The following ACSS3 variants were observed in gnomAD, a reference collection of about 807,000 sequenced individuals.
ACSS3 encodes the protein acyl-CoA synthetase short chain family member 3.
A neutral mutation model predicts 84.2 loss-of-function variants in ACSS3; 64 were observed. That is an observed-to-expected ratio of 0.76 (90% CI 0.62 to 0.94). ACSS3 has a LOEUF of 0.94. Ranked by LOEUF, ACSS3 falls within the 40% of genes least tolerant of loss-of-function variation. ACSS3 has a pLI of 0.00. For missense variants in ACSS3, 815 were observed against 867.6 expected, an observed-to-expected ratio of 0.94 and a Z score of 0.76; for synonymous variants, 317 against 310.1, an observed-to-expected ratio of 1.02 and a Z score of -0.23.
intron 8 of ACSS3, among the ~76,000 whole-genome samples, chr12:81,192,406 A>C (rs2031620480): frequency 6.6e-6 from 1 of 152,130 alleles, no homozygotes; most frequent in Admixed American, 6.5e-5. Context: ...AACAAACAAA[A>C]AACAGAAAGA....
rs1054352978 is a variant in ACSS3 at position 81,170,591 on chromosome 12, T to C, written c.1099-4197T>C. Among the ~76,000 whole-genome samples, 9 of 152,140 alleles carry C rather than the reference T, an allele frequency of 5.9e-5. No individual in the cohort carries two copies. The East Asian group carries it at 1.7e-3, about 29-fold the overall frequency. On this transcript the variant is annotated intron_variant, in intron 7 of 15. Transcript: ENST00000548058. The stretch of plus-strand genomic sequence containing the variant: ...AGAAAGGAATTAAATAAACAACTGG[T>C]AACCACATTGATTTGAGTTTGAGGA...
At chr12:81,176,303 G>A (rs1197901566) in intron 8 of ACSS3, among the ~76,000 whole-genome samples, 1 of 152,198 alleles carries the variant, frequency 6.6e-6, no homozygotes, top group African/African-American at 2.4e-5. Flanking sequence ...AAGAGGCTGG[G>A]TGCTGTGTCT....
At chr12:81,234,186 A>G (rs749977315) in intron 13 of ACSS3, among the ~76,000 whole-genome samples, 2 of 151,504 alleles carry the variant, frequency 1.3e-5, no homozygotes, top group Non-Finnish European at 3.0e-5. Flanking sequence ...ATTTAGGAAA[A>G]TACATTTTAG....
intron 1 of ACSS3, among the ~76,000 whole-genome samples, chr12:81,105,830 T>G (rs1208261650): frequency 6.6e-6 from 1 of 152,208 alleles, no homozygotes; most frequent in Non-Finnish European, 1.5e-5. Flanking sequence ...AGGAAACATC[T>G]GAGTGGAGCA....
chr12:81,193,001 G>C lies in ACSS3; in HGVS notation c.1251-6340G>C, dbSNP rs558544037. Among the ~76,000 whole-genome samples, 6 of 152,312 alleles carry C rather than the reference G, an allele frequency of 3.9e-5. No homozygotes were observed. In the South Asian group the frequency reaches 1.2e-3, roughly 32 times the overall value. ...GGGTTGTACTTGAAAAAGGGAGAGAGAGAGAGATGAGAAAGAAATGAGAAA... is the reference window on the plus strand; with the variant it reads ...GGGTTGTACTTGAAAAAGGGAGAGACAGAGAGATGAGAAAGAAATGAGAAA... On this transcript the variant is annotated intron_variant, in intron 8 of 15. Coordinates refer to ENST00000548058, the MANE Select transcript of ACSS3 (RefSeq NM_024560.4).
chr12:81,226,022 A>G (rs1348864899), intron 11 of ACSS3, among the ~76,000 whole-genome samples: 2 of 151,774 alleles, frequency 1.3e-5, no homozygotes, highest in Non-Finnish European at 2.9e-5. Flanking sequence ...TCTCCTTCCA[A>G]TCGCCACAAA....
At chr12:81,188,483 C>T (rs111898751) in intron 8 of ACSS3, among the ~76,000 whole-genome samples, 26 of 152,138 alleles carry the variant, frequency 1.7e-4, no homozygotes, top group South Asian at 2.1e-4. Context: ...TATCCTGCAT[C>T]GCAGAAGCCC....
chr12:81,150,792 T>A (rs1399099670), intron 5 of ACSS3, among the ~76,000 whole-genome samples: 4 of 152,214 alleles, frequency 2.6e-5, no homozygotes, highest in Non-Finnish European at 4.4e-5. Context: ...TCCTGATTTG[T>A]GTATGTGTGT....
At position 81,119,872 on chromosome 12, in the gene ACSS3, G is replaced by A. The variant is rs574151162; in HGVS notation, c.456+10168G>A. Among the ~76,000 whole-genome samples the A allele has an allele frequency of 2.6e-5, 4 of 152,266 alleles. No homozygotes were observed. In the South Asian group the frequency reaches 8.3e-4, roughly 32 times the overall value. ...GTGATGTACATCCTCAGCTTATGAA[G>A]ATAACAATATTAAGAGATTAAAGTA... On this transcript the variant is annotated intron_variant, in intron 2 of 15. Transcript: ENST00000548058.
intron 1 of ACSS3, among the ~76,000 whole-genome samples, chr12:81,103,164 A>T (rs548323187): frequency 2.0e-5 from 3 of 152,274 alleles, no homozygotes; most frequent in African/African-American, 7.2e-5. Context: ...CATTACCATA[A>T]TTTTTGAGAA....
chr12:81,136,740 A>G (rs140774544), intron 3 of ACSS3, among the ~76,000 whole-genome samples: 1 of 152,308 alleles, frequency 6.6e-6, no homozygotes, highest in Non-Finnish European at 1.5e-5. Context: ...GATTCTGTTA[A>G]TGAGTAAAAG....
intron 2 of ACSS3, among the ~76,000 whole-genome samples, chr12:81,115,353 GC>G (rs1565983786): frequency 6.6e-6 from 1 of 152,084 alleles, no homozygotes; most frequent in East Asian, 1.9e-4. Context: ...TTCAAATTTT[GC>G]CCTTTCTAGT....
rs114931507 is a variant in ACSS3 at position 81,091,413 on chromosome 12, T to C, written c.311+12982T>C. On this transcript the variant is annotated intron_variant, in intron 1 of 15. Coordinates refer to ENST00000548058, the MANE Select transcript of ACSS3 (RefSeq NM_024560.4). ...CTTGATCTGTTAAAAGCTTGAATTT[T>C]AGAAAAAATATAAAACTGATTTTAT... is the stretch of plus-strand genomic sequence containing the variant. Among the ~76,000 whole-genome samples the C allele has an allele frequency of 8.2e-3, 1,243 of 152,098 alleles. 21 individuals carry two copies. The highest frequency in any genetic ancestry group is 0.029 in the African/African-American group (1,195 of 41,566).
At chr12:81,160,748 A>G (rs1887109444) in intron 7 of ACSS3, among the ~76,000 whole-genome samples, 1 of 152,184 alleles carries the variant, frequency 6.6e-6, no homozygotes, top group Admixed American at 6.5e-5. Flanking sequence ...TTCTTCAAAT[A>G]TATTTACTGA....
chr12:81,104,486 A>C (rs1333421608), intron 1 of ACSS3, among the ~76,000 whole-genome samples: 2 of 152,064 alleles, frequency 1.3e-5, no homozygotes, highest in African/African-American at 4.8e-5. Context: ...AAGGTGCCCC[A>C]GACATTGCCT....
chr12:81,168,231 C>A (rs1176719812), intron 7 of ACSS3, among the ~76,000 whole-genome samples: 7 of 152,166 alleles, frequency 4.6e-5, no homozygotes, highest in Non-Finnish European at 1.0e-4. Context: ...ATGTTATGGT[C>A]TCTACATGAC....
intron 1 of ACSS3, among the ~76,000 whole-genome samples, chr12:81,103,197 C>T (rs1882672523): frequency 6.6e-6 from 1 of 152,158 alleles, no homozygotes; most frequent in East Asian, 1.9e-4. Flanking sequence ...TTGGGAAAAA[C>T]TCGTAATGTA....
rs989641096 is a variant in ACSS3 at position 81,143,145 on chromosome 12, G to C, written c.819G>C (p.Trp273Cys). ...TGGCTCCCGGTCGTGACCTTGATTGGGATGAAGAGATGGCAAAAGCCCAGT... is the reference window on the plus strand; with the variant it reads ...TGGCTCCCGGTCGTGACCTTGATTGCGATGAAGAGATGGCAAAAGCCCAGT... ...VPLAPGRDLDWDEEMAKAQSH... is the reference protein window; with the variant it reads ...VPLAPGRDLDCDEEMAKAQSH... Residue 273 changes from tryptophan to cysteine, a missense_variant, in exon 5 of 16, where the codon TGG becomes TGC. Coordinates refer to ENST00000548058, the MANE Select transcript of ACSS3 (RefSeq NM_024560.4). The C allele has an allele frequency of 1.9e-6, 3 of 1,613,442 alleles. No homozygotes were observed. Among genetic ancestry groups the C allele is most frequent in the Non-Finnish European group, 1.7e-6 (2 of 1,179,646 alleles).
intron 11 of ACSS3, among the ~76,000 whole-genome samples, chr12:81,230,656 G>A (rs567559574): frequency 6.6e-6 from 1 of 151,876 alleles, no homozygotes; most frequent in South Asian, 2.1e-4. Flanking sequence ...GACAGGCAAA[G>A]ATGACAATAT....
Sources: gnomAD v4.1 joint callset for allele counts (sites outside exome capture counted in the v4.1 genomes callset) on GRCh38, gnomAD v4.1.1 for gene constraint, MANE v1.5 for transcripts, NCBI Gene and HGNC (gene_info 2026-07-23, HGNC 2026-07-21) for gene names.